Variants in DNMBP observed in about 807,000 individuals in gnomAD.
The protein encoded by DNMBP is dynamin-binding protein.
Under a neutral mutation model 150.0 loss-of-function variants are expected in DNMBP, and 87 were observed. That is an observed-to-expected ratio of 0.58 (90% confidence interval 0.49 to 0.69). The LOEUF (loss-of-function observed/expected upper bound fraction) is 0.69. Among genes scored for constraint, DNMBP ranks in the 30% least tolerant of loss-of-function variants. The pLI, the probability that DNMBP is intolerant of heterozygous loss-of-function variation, is 0.00. For missense variants in DNMBP, 1,774 were observed against 1,949.0 expected, an observed-to-expected ratio of 0.91 and a Z score of 1.69; for synonymous variants, 711 against 750.4, an observed-to-expected ratio of 0.95 and a Z score of 0.86.
chr10:99,914,376 G>C (rs1467752012), intron 4 of DNMBP, among the ~76,000 whole-genome samples: 2 of 152,256 alleles, frequency 1.3e-5, no homozygotes, highest in East Asian at 3.9e-4. Flanking sequence ...GCCCTTTTGA[G>C]GAAAGAATTC....
intron 4 of DNMBP, among the ~76,000 whole-genome samples, chr10:99,943,580 C>A (rs1438246944): frequency 1.3e-5 from 2 of 151,986 alleles, no homozygotes; most frequent in African/African-American, 2.4e-5. Flanking sequence ...TTTTGTATTT[C>A]TTTTAGGAAC....
At chr10:99,990,410 GGCATGGTGGC>G (rs1326386704) in intron 1 of DNMBP, among the ~76,000 whole-genome samples, 2 of 151,812 alleles carry the variant, frequency 1.3e-5, no homozygotes, top group African/African-American at 4.8e-5. Flanking sequence ...AAATTAGCTG[GGCATGGTGGC>G]GTGCAACCAT....
intron 1 of DNMBP, among the ~76,000 whole-genome samples, chr10:100,002,455 A>G (rs528439834): frequency 3.5e-4 from 54 of 152,322 alleles, no homozygotes; most frequent in Non-Finnish European, 6.9e-4. Context: ...GATATAATTT[A>G]GTAAGATTTA....
intron 1 of DNMBP, among the ~76,000 whole-genome samples, chr10:99,994,539 G>A (rs1216006389): frequency 6.6e-6 from 1 of 152,142 alleles, no homozygotes; most frequent in Non-Finnish European, 1.5e-5. Flanking sequence ...TGACTCTGTG[G>A]TTACTGGTCA....
chr10:99,890,146 A>G (rs1272624027), intron 11 of DNMBP, among the ~76,000 whole-genome samples: 1 of 152,188 alleles, frequency 6.6e-6, no homozygotes, highest in Non-Finnish European at 1.5e-5. Context: ...TAACCCAGGG[A>G]ATGTTGCTAA....
chr10:100,002,860 G>A (rs1360280718), intron 1 of DNMBP, among the ~76,000 whole-genome samples: 1 of 152,012 alleles, frequency 6.6e-6, no homozygotes, highest in Non-Finnish European at 1.5e-5. Context: ...CTAGGATTGA[G>A]GGTAATACCT....
intron 7 of DNMBP, 134 bp from the exon 8 acceptor site, chr10:99,898,894 T>TA (rs2039698542): frequency 1.1e-6 from 1 of 909,696 alleles, no homozygotes; most frequent in Non-Finnish European, 1.7e-6. Context: ...TTTAGTCTAC[T>TA]AAAAAATGTT....
chr10:99,992,526 G>GTTT (rs1164839351), intron 1 of DNMBP, among the ~76,000 whole-genome samples: 5 of 129,604 alleles, frequency 3.9e-5, no homozygotes, highest in African/African-American at 5.9e-5. Context: ...GAATCTAGGA[G>GTTT]TTTTTTTTTT....
At chr10:99,998,692 T>C (rs2040979693) in intron 1 of DNMBP, among the ~76,000 whole-genome samples, 1 of 152,184 alleles carries the variant, frequency 6.6e-6, no homozygotes, top group Non-Finnish European at 1.5e-5. Flanking sequence ...AGTGGGAAAT[T>C]GTGAACATTG....
At chr10:99,927,788 GA>G (rs750399850) in intron 4 of DNMBP, among the ~76,000 whole-genome samples, 3 of 152,154 alleles carry the variant, frequency 2.0e-5, no homozygotes, top group Non-Finnish European at 4.4e-5. Flanking sequence ...ATATTGGGTG[GA>G]ACCGAGCTGG....
chr10:99,930,968 C>G, intron 4 of DNMBP: 1 of 475,224 alleles, frequency 2.1e-6, no homozygotes, highest in Middle Eastern at 5.3e-4. Flanking sequence ...GCGAGCTACT[C>G]TATCTTTCTC....
intron 1 of DNMBP, among the ~76,000 whole-genome samples, chr10:100,007,251 A>G (rs1156964462): frequency 6.6e-6 from 1 of 152,164 alleles, no homozygotes; most frequent in Non-Finnish European, 1.5e-5. Context: ...CAGCATTATG[A>G]TCCTTTGACC....
intron 6 of DNMBP, among the ~76,000 whole-genome samples, chr10:99,902,175 G>A (rs2039751338): frequency 6.6e-6 from 1 of 151,798 alleles, no homozygotes. Context: ...ACGGGCGTGA[G>A]TCACCATGCC....
At chr10:99,899,847 C>A in intron 7 of DNMBP, 72 bp downstream of exon 7, 1 of 1,486,832 alleles carries the variant, frequency 6.7e-7, no homozygotes, top group Non-Finnish European at 9.4e-7. Flanking sequence ...ATCATCAAGT[C>A]CAGGCATATA....
intron 15 of DNMBP, among the ~76,000 whole-genome samples, chr10:99,883,113 TA>T (rs1191644616): frequency 6.6e-6 from 1 of 152,128 alleles, no homozygotes; most frequent in African/African-American, 2.4e-5. Flanking sequence ...GTTACAATTA[TA>T]AATAGTCTCA....
At chr10:99,990,528 G>T (rs534316191) in intron 1 of DNMBP, among the ~76,000 whole-genome samples, 1 of 150,590 alleles carries the variant, frequency 6.6e-6, no homozygotes, top group African/African-American at 2.5e-5. Context: ...TCCGGCCTGG[G>T]TGACAAAGCC....
chr10:99,944,185 G>A (rs774829553), intron 4 of DNMBP, among the ~76,000 whole-genome samples: 2 of 152,192 alleles, frequency 1.3e-5, no homozygotes, highest in Non-Finnish European at 2.9e-5. Flanking sequence ...ATAATTAGCT[G>A]TAGAGGTCAA....
At chr10:100,005,970 A>C (rs908129972) in intron 1 of DNMBP, among the ~76,000 whole-genome samples, 2 of 152,172 alleles carry the variant, frequency 1.3e-5, no homozygotes, top group Non-Finnish European at 2.9e-5. Flanking sequence ...CCAATCTTTT[A>C]GATTCCTTGC....
At chr10:99,878,017 G>A (rs535223634) in intron 16 of DNMBP, among the ~76,000 whole-genome samples, 1 of 152,142 alleles carries the variant, frequency 6.6e-6, no homozygotes, top group African/African-American at 2.4e-5. Context: ...TACTCCAGAG[G>A]TTGTGGCAGG....
Sources: allele counts gnomAD v4.1 joint callset (sites outside exome capture counted in the v4.1 genomes callset), GRCh38; gene constraint gnomAD v4.1.1; transcripts MANE v1.5; gene names NCBI Gene and HGNC (gene_info 2026-07-23, HGNC 2026-07-21).